ACSL3: variants seen among roughly 807,000 people sequenced by gnomAD.
The protein encoded by ACSL3 is fatty acid CoA ligase Acsl3.
ACSL3 carries 34 observed loss-of-function variants against 84.7 expected under a neutral mutation model. The observed-to-expected ratio is 0.40, with a 90% confidence interval of 0.31 to 0.53. ACSL3 has a LOEUF of 0.53. ACSL3 is among the 20% of genes least tolerant of loss of function. The probability of loss-of-function intolerance (pLI) is 0.48; values close to 1 mark genes in which losing one functional copy is unlikely to be tolerated. For missense variants in ACSL3, 680 were observed against 873.1 expected, an observed-to-expected ratio of 0.78 and a Z score of 2.79; for synonymous variants, 315 against 299.4, an observed-to-expected ratio of 1.05 and a Z score of -0.54.
At chr2:222,861,339 G>A (rs897017016) in intron 1 of ACSL3, 81 bp downstream of exon 1, 3 of 151,738 alleles carry the variant, frequency 2.0e-5, no homozygotes, top group African/African-American at 7.3e-5. Context: ...GGGCCCGAGG[G>A]GCTCCCCAGC....
At chr2:222,866,792 A>G (rs1244595673) in intron 1 of ACSL3, among the ~76,000 whole-genome samples, 1 of 86,840 alleles carries the variant, frequency 1.2e-5, no homozygotes, top group Non-Finnish European at 2.2e-5. Context: ...CGGGGAAATC[A>G]TAAGGAAATT....
chr2:222,916,327 T>G lies in ACSL3; in HGVS notation c.387T>G (p.Leu129=). 1.2e-6 allele frequency: 2 copies of G among 1,603,234 alleles called. No individual in the cohort carries two copies. Among genetic ancestry groups the G allele is most frequent in the Non-Finnish European group, 1.7e-6 (2 of 1,175,076 alleles). The change falls in exon 5 of 17, where the codon CTT becomes CTG. Residue 129 remains leucine, a synonymous_variant. Coordinates refer to ENST00000357430, the MANE Select transcript of ACSL3 (RefSeq NM_004457.5). Reference sequence around the variant, plus strand: ...TTTTTTTGTTTTATCAGGTTATTCTTGGACAGTATAATTGGCTTTCCTATG... The same window carrying G: ...TTTTTTTGTTTTATCAGGTTATTCTGGGACAGTATAATTGGCTTTCCTATG... The part of the protein sequence containing the change: ...PNGKIFKKVI[L]GQYNWLSYED...
intron 2 of ACSL3, among the ~76,000 whole-genome samples, chr2:222,890,950 G>A (rs2106102668): frequency 2.0e-5 from 3 of 152,200 alleles, no homozygotes; most frequent in South Asian, 2.1e-4. Flanking sequence ...GCCGAAAAGA[G>A]GTATATTTAA....
At position 222,908,851 on chromosome 2, in the gene ACSL3, C is replaced by T. The variant is rs775187847; in HGVS notation, c.79C>T (p.His27Tyr). The T allele has an allele frequency of 3.1e-6, 5 of 1,604,036 alleles. No homozygotes were observed. In the Admixed American group the frequency reaches 5.1e-5, roughly 16 times the overall value. Residue 27 changes from histidine to tyrosine, a missense_variant, in exon 4 of 17, where the codon CAT (histidine) becomes TAT (tyrosine). Around this residue, in one of 2 missense-constraint regions of ACSL3, gnomAD observed 333 missense variants for 347.5 expected, o/e 0.96. Coordinates refer to ENST00000357430, the MANE Select transcript of ACSL3 (RefSeq NM_004457.5). ...CAACCCTATTCTTTTATATTTTATACATTTTCTAATATCACTTTATACTAT... is the reference window on the plus strand; with the variant it reads ...CAACCCTATTCTTTTATATTTTATATATTTTCTAATATCACTTTATACTAT... ...TINPILLYFIHFLISLYTILT... is the reference protein window; with the variant it reads ...TINPILLYFIYFLISLYTILT...
At chr2:222,922,501 G>A (rs555827958) in intron 8 of ACSL3, among the ~76,000 whole-genome samples, 16 of 152,266 alleles carry the variant, frequency 1.1e-4, no homozygotes, top group African/African-American at 3.9e-4. Context: ...GGGTTGAGCT[G>A]TAATTCTTTT....
chr2:222,930,293 T>C (rs1053443235), intron 13 of ACSL3, among the ~76,000 whole-genome samples: 2 of 152,222 alleles, frequency 1.3e-5, no homozygotes, highest in African/African-American at 4.8e-5. Flanking sequence ...TGTCAGTTTA[T>C]CAATATGATA....
intron 16 of ACSL3, among the ~76,000 whole-genome samples, chr2:222,938,741 T>C (rs1375779279): frequency 6.6e-6 from 1 of 152,184 alleles, no homozygotes; most frequent in Admixed American, 6.5e-5. Context: ...CTGTCTTCTT[T>C]TTCTGAACTC....
chr2:222,921,091 A>G, intron 7 of ACSL3, 189 bp from the exon 8 acceptor site: 5 of 709,034 alleles, frequency 7.1e-6, no homozygotes, highest in East Asian at 5.7e-5. Flanking sequence ...GTATATCTCA[A>G]TAGAATATAT....
intron 1 of ACSL3, among the ~76,000 whole-genome samples, chr2:222,869,924 A>G (rs1234471407): frequency 6.6e-6 from 1 of 152,188 alleles, no homozygotes; most frequent in Admixed American, 6.5e-5. Flanking sequence ...TAGTTGTTGA[A>G]TGAATTAAAC....
At chr2:222,890,733 C>T (rs538148665) in intron 2 of ACSL3, among the ~76,000 whole-genome samples, 34 of 152,118 alleles carry the variant, frequency 2.2e-4, no homozygotes, top group Non-Finnish European at 5.0e-4. Context: ...CCTCTGCCTC[C>T]CAGACTCTGG....
chr2:222,927,001 T>C lies in ACSL3; in HGVS notation c.1293-16T>C, dbSNP rs954117471. On this transcript the variant is annotated splice_polypyrimidine_tract_variant and intron_variant, in intron 11 of 16. Transcript: ENST00000357430. ...TCAGTTTTAAAATCCTGTGGTTCTCTAATTTTTTTCTTTAGCTTTGTTTTC... is the reference window on the plus strand; with the variant it reads ...TCAGTTTTAAAATCCTGTGGTTCTCCAATTTTTTTCTTTAGCTTTGTTTTC... The C allele has an allele frequency of 1.2e-6, 2 of 1,607,354 alleles. No homozygotes were observed. Among genetic ancestry groups the C allele is most frequent in the African/African-American group, 2.7e-5 (2 of 74,694 alleles).
chr2:222,944,070 C>T lies in ACSL3; in HGVS notation c.*2416C>T, dbSNP rs1034773963. The T allele has an allele frequency of 6.6e-6, 1 of 152,082 alleles. No homozygotes were observed. Among genetic ancestry groups the T allele is most frequent in the East Asian group, 1.9e-4 (1 of 5,196 alleles). The allele number at this position is 152,082 out of a possible 1,614,324, so 9.4% of individuals were successfully genotyped here. ...ACCTCCATTTATTTCCCCACTGCTC[C>T]TCCACTGACATCCTTCTTAGCAGAA... On this transcript the variant is annotated 3_prime_UTR_variant, in exon 17 of 17. Coordinates refer to ENST00000357430, the MANE Select transcript of ACSL3 (RefSeq NM_004457.5).
rs1185645369 is a variant in ACSL3 at position 222,943,148 on chromosome 2, T to TG, written c.*1495dup. ...CTAGGTCTGTGTAAAGTAAGGGGAG[T>TG]GTTAGGAGCAGCCAGGACTGTGTAG... On this transcript the variant is annotated 3_prime_UTR_variant, in exon 17 of 17. Transcript: ENST00000357430. The TG allele has an allele frequency of 9.2e-6, 2 of 218,542 alleles. No homozygotes were observed. Among genetic ancestry groups the TG allele is most frequent in the Non-Finnish European group, 1.8e-5 (2 of 110,888 alleles). 13.5% of individuals were successfully genotyped at this position (218,542 alleles called of 1,614,324 possible).
chr2:222,941,571 G>A lies in ACSL3; in HGVS notation c.2080G>A (p.Val694Met). The A allele has an allele frequency of 6.2e-7, 1 of 1,613,336 alleles. No homozygotes were observed. The highest frequency in any genetic ancestry group is 8.5e-7 in the Non-Finnish European group (1 of 1,179,814). Reference protein sequence around the residue: ...PEPWTPETGLVTDAFKLKRKE... With the variant: ...PEPWTPETGLMTDAFKLKRKE... ...ACCGTGGACCCCTGAAACTGGTCTG[G>A]TGACAGATGCCTTCAAGCTGAAACG... The change falls in exon 17 of 17, where the codon GTG (valine) becomes ATG (methionine). Residue 694 changes from valine to methionine, a missense_variant. Coordinates refer to ENST00000357430, the MANE Select transcript of ACSL3 (RefSeq NM_004457.5).
At chr2:222,873,581 C>G (rs1235302608) in intron 1 of ACSL3, among the ~76,000 whole-genome samples, 3 of 152,064 alleles carry the variant, frequency 2.0e-5, no homozygotes, top group African/African-American at 7.2e-5. Context: ...CTAGATATAG[C>G]CAGTGCTGAG....
intron 2 of ACSL3, among the ~76,000 whole-genome samples, chr2:222,896,820 C>T (rs1478905239): frequency 1.6e-4 from 2 of 12,522 alleles, no homozygotes; most frequent in African/African-American, 1.6e-3. Context: ...GCTGGCCGGG[C>T]GGGGGGGCTG....
intron 1 of ACSL3, among the ~76,000 whole-genome samples, chr2:222,869,276 C>A (rs929472272): frequency 6.6e-6 from 1 of 152,288 alleles, no homozygotes; most frequent in Admixed American, 6.5e-5. Flanking sequence ...ATTTCAATTT[C>A]TGTAACATAA....
chr2:222,919,002 T>G (rs946044170), intron 6 of ACSL3, 62 bp from the exon 7 acceptor site: 1 of 1,581,954 alleles, frequency 6.3e-7, no homozygotes. Context: ...GGTAAACTAG[T>G]ATTCTTATTC....
chr2:222,922,631 A>T, intron 8 of ACSL3, 77 bp from the exon 9 acceptor site: 3 of 1,584,682 alleles, frequency 1.9e-6, no homozygotes, highest in Non-Finnish European at 2.6e-6. Flanking sequence ...TGTGCCTTCA[A>T]GCTTGCTCCC....
Sources: gnomAD v4.1 joint callset for allele counts (sites outside exome capture counted in the v4.1 genomes callset) on GRCh38, gnomAD v4.1.1 for gene constraint, gnomAD v4.1.1 regional missense constraint, MANE v1.5 for transcripts, NCBI Gene and HGNC (gene_info 2026-07-23, HGNC 2026-07-21) for gene names.